The following CDKAL1 variants were observed in gnomAD, a reference collection of about 807,000 sequenced individuals.
CDKAL1 encodes the protein threonylcarbamoyladenosine tRNA methylthiotransferase.
CDKAL1 carries 32 observed loss-of-function variants against 68.2 expected under a neutral mutation model. The ratio of observed to expected loss-of-function variants is 0.47; its 90% CI spans 0.35 to 0.63. The LOEUF is 0.63. Ranked by LOEUF, CDKAL1 falls within the 30% of genes least tolerant of loss-of-function variation. The pLI is 0.00. For missense variants in CDKAL1, 606 were observed against 696.7 expected (o/e 0.87, Z 1.47); for synonymous variants, 234 against 244.3 (o/e 0.96, Z 0.39).
chr6:21,207,111 C>T (rs1020580250), intron 15 of CDKAL1, among the ~76,000 whole-genome samples: 1 of 152,038 alleles, frequency 6.6e-6, no homozygotes, highest in African/African-American at 2.4e-5. Flanking sequence ...CAGGGTTTCA[C>T]CATGTTGGCC....
At chr6:20,543,492 A>G (rs1763466635) in intron 2 of CDKAL1, among the ~76,000 whole-genome samples, 1 of 152,088 alleles carries the variant, frequency 6.6e-6, no homozygotes, top group Non-Finnish European at 1.5e-5. Flanking sequence ...GTTCTTTGTC[A>G]GATATGTGGT....
chr6:21,121,584 A>G (rs1048392493), intron 13 of CDKAL1, among the ~76,000 whole-genome samples: 3 of 152,240 alleles, frequency 2.0e-5, no homozygotes, highest in African/African-American at 7.2e-5. Context: ...GGAAGCATCT[A>G]GAATAGCATC....
intron 5 of CDKAL1, among the ~76,000 whole-genome samples, chr6:20,738,485 GTTTTTTT>G (rs71712438): frequency 2.3e-4 from 28 of 119,632 alleles, no homozygotes; most frequent in East Asian, 4.9e-4. Context: ...CTACTTCTTA[GTTTTTTT>G]TTTTTTTTTT....
At chr6:20,904,792 GA>G (rs59916669) in intron 9 of CDKAL1, among the ~76,000 whole-genome samples, 93,337 of 147,690 alleles carry the variant, frequency 0.63, 29,391 homozygotes, top group African/African-American at 0.73. Context: ...TCCATCTCAA[GA>G]AAAAAAAAAA....
chr6:20,878,503 G>T (rs1348588311), intron 9 of CDKAL1, among the ~76,000 whole-genome samples: 2 of 152,180 alleles, frequency 1.3e-5, no homozygotes, highest in Admixed American at 1.3e-4. Context: ...ACTTTGAGGG[G>T]CGGAGGCCGG....
intron 8 of CDKAL1, among the ~76,000 whole-genome samples, chr6:20,837,651 GT>G (rs1778001452): frequency 6.6e-6 from 1 of 151,898 alleles, no homozygotes; most frequent in South Asian, 2.1e-4. Context: ...TACAGATTTA[GT>G]TTTGCTTAGT....
At chr6:20,793,831 T>C (rs1776003928) in intron 8 of CDKAL1, among the ~76,000 whole-genome samples, 1 of 147,188 alleles carries the variant, frequency 6.8e-6, no homozygotes, top group Admixed American at 6.8e-5. Flanking sequence ...AATTAGGTTA[T>C]ATATAATATA....
chr6:20,750,932 C>A (rs923481177), intron 6 of CDKAL1, among the ~76,000 whole-genome samples: 1 of 116,094 alleles, frequency 8.6e-6, no homozygotes, highest in African/African-American at 3.3e-5. Context: ...CCACTGCACT[C>A]CAGGCTGAGC....
At chr6:20,902,954 A>G (rs988046253) in intron 9 of CDKAL1, among the ~76,000 whole-genome samples, 1 of 152,132 alleles carries the variant, frequency 6.6e-6, no homozygotes, top group African/African-American at 2.4e-5. Flanking sequence ...TCTGTCTTCT[A>G]CTTGGGCTGT....
In CDKAL1 at chr6:20,988,894, A is replaced by G. The variant is rs544918195; in HGVS notation, c.910-11333A>G. Reference sequence around the variant, plus strand: ...AGGATGGTCTTGATCTCCTTACCTCATGATCCATCTGCCTCGGCCTCCCAA... The same window carrying G: ...AGGATGGTCTTGATCTCCTTACCTCGTGATCCATCTGCCTCGGCCTCCCAA... On this transcript the variant is annotated intron_variant, in intron 10 of 15. Transcript: ENST00000274695. Among the ~76,000 whole-genome samples the G allele has an allele frequency of 2.1e-4, 31 of 149,670 alleles. No homozygotes were observed. The South Asian group carries it at 5.8e-3, about 28-fold the overall frequency.
At chr6:20,753,029 C>A (rs1039552304) in intron 6 of CDKAL1, among the ~76,000 whole-genome samples, 1 of 152,124 alleles carries the variant, frequency 6.6e-6, no homozygotes, top group African/African-American at 2.4e-5. Context: ...ATAATTCACA[C>A]ACTATGCAAT....
chr6:20,879,319 G>A (rs773615595), intron 9 of CDKAL1, among the ~76,000 whole-genome samples: 1 of 152,156 alleles, frequency 6.6e-6, no homozygotes, highest in Non-Finnish European at 1.5e-5. Flanking sequence ...AGTTAGTTTT[G>A]AAGTCTTGGT....
intron 13 of CDKAL1, among the ~76,000 whole-genome samples, chr6:21,175,148 A>C (rs1291183532): frequency 6.6e-6 from 1 of 152,188 alleles, no homozygotes; most frequent in East Asian, 1.9e-4. Context: ...TTAGGAGGCC[A>C]TTTATCCAAT....
chr6:20,871,792 T>C (rs776476758), intron 9 of CDKAL1, among the ~76,000 whole-genome samples: 1 of 152,180 alleles, frequency 6.6e-6, no homozygotes, highest in Non-Finnish European at 1.5e-5. Flanking sequence ...TAAATGCATG[T>C]ACTATTTTGT....
chr6:20,947,750 T>C (rs1189861177), intron 9 of CDKAL1, among the ~76,000 whole-genome samples: 1 of 152,192 alleles, frequency 6.6e-6, no homozygotes, highest in Non-Finnish European at 1.5e-5. Flanking sequence ...ACAAAGCCTA[T>C]TTTATAATAT....
At chr6:21,197,467 C>A (rs1316663207) in intron 13 of CDKAL1, among the ~76,000 whole-genome samples, 1 of 152,176 alleles carries the variant, frequency 6.6e-6, no homozygotes, top group Non-Finnish European at 1.5e-5. Context: ...AAGTAAATAG[C>A]TCTGTGAATT....
rs142557430 is a variant in CDKAL1 at position 21,177,574 on chromosome 6, A to G, written c.1300-20447A>G. Among the ~76,000 whole-genome samples, 416 of 152,330 alleles carry G rather than the reference A, an allele frequency of 2.7e-3. 1 individual carries two copies. The highest frequency in any genetic ancestry group is 9.7e-3 in the African/African-American group (402 of 41,588). On this transcript the variant is annotated intron_variant, in intron 13 of 15. Coordinates refer to ENST00000274695, the MANE Select transcript of CDKAL1 (RefSeq NM_017774.3). Reference sequence around the variant, plus strand: ...GAAAGTAGGTGTTTTAAACAAAACCAGAACACTTGATTTATAAAACAAAAG... The same window carrying G: ...GAAAGTAGGTGTTTTAAACAAAACCGGAACACTTGATTTATAAAACAAAAG...
rs531763339 is a variant in CDKAL1 at position 20,619,958 on chromosome 6, C to T, written c.287-29335C>T. ...AGGATTTTTGTGGAAAGCTAACTCACACCTCTCTTCTTTGACTTGAATAAA... is the reference window on the plus strand; with the variant it reads ...AGGATTTTTGTGGAAAGCTAACTCATACCTCTCTTCTTTGACTTGAATAAA... On this transcript the variant is annotated intron_variant, in intron 4 of 15. Coordinates refer to ENST00000274695, the MANE Select transcript of CDKAL1 (RefSeq NM_017774.3). 1.1e-3 allele frequency among the ~76,000 whole-genome samples: 170 copies of T among 152,354 alleles called. 1 individual carries two copies. Among genetic ancestry groups the T allele is most frequent in the African/African-American group, 4.0e-3 (165 of 41,586 alleles).
At chr6:20,822,007 T>G (rs1261537516) in intron 8 of CDKAL1, among the ~76,000 whole-genome samples, 2 of 152,206 alleles carry the variant, frequency 1.3e-5, no homozygotes, top group African/African-American at 4.8e-5. Flanking sequence ...TAGAGTTTAA[T>G]TGCAACAGAA....
Sources: gnomAD v4.1 joint callset for allele counts (sites outside exome capture counted in the v4.1 genomes callset) on GRCh38, gnomAD v4.1.1 for gene constraint, MANE v1.5 for transcripts, NCBI Gene and HGNC (gene_info 2026-07-23, HGNC 2026-07-21) for gene names.